KIAA1328: variants seen among roughly 807,000 people sequenced by gnomAD.
The protein encoded by KIAA1328 is protein hinderin.
In KIAA1328, 52 loss-of-function variants were observed where a neutral mutation model predicts 68.1. That is an observed-to-expected ratio of 0.76 (90% confidence interval 0.61 to 0.96). KIAA1328 has a LOEUF of 0.96. Among genes scored for constraint, KIAA1328 ranks in the 40% least tolerant of loss-of-function variants. The pLI is 0.00. For missense variants in KIAA1328, 641 were observed against 677.6 expected (o/e 0.95, Z 0.60); for synonymous variants, 232 against 239.4 (o/e 0.97, Z 0.28).
At chr18:36,878,962 T>G (rs919158734) in intron 4 of KIAA1328, among the ~76,000 whole-genome samples, 1 of 152,214 alleles carries the variant, frequency 6.6e-6, no homozygotes, top group Non-Finnish European at 1.5e-5. Context: ...GGTTAGAACA[T>G]GCTCCTTTAG....
intron 7 of KIAA1328, among the ~76,000 whole-genome samples, chr18:37,111,315 C>G (rs1463407039): frequency 1.3e-5 from 2 of 152,114 alleles, no homozygotes; most frequent in Admixed American, 6.5e-5. Flanking sequence ...TAAGGCTTTT[C>G]AAGAAATTAA....
intron 7 of KIAA1328, among the ~76,000 whole-genome samples, chr18:37,091,347 A>C (rs1482717252): frequency 2.0e-5 from 3 of 152,048 alleles, no homozygotes; most frequent in Non-Finnish European, 2.9e-5. Context: ...ACCAGGAAGA[A>C]CTCCTCATTG....
chr18:37,042,399 G>A (rs1024849559), intron 6 of KIAA1328, among the ~76,000 whole-genome samples: 15 of 152,156 alleles, frequency 9.9e-5, no homozygotes, highest in African/African-American at 3.6e-4. Flanking sequence ...TATAAAGGCA[G>A]CTCTACCAGC....
Position 37,079,312 on chromosome 18 carries a change from A to T in KIAA1328, c.1232+11767A>T, listed in dbSNP as rs1379653080. On this transcript the variant is annotated intron_variant, in intron 7 of 9. Coordinates refer to ENST00000280020, the MANE Select transcript of KIAA1328 (RefSeq NM_020776.3). ...ACATGGACACAGGAAGGGGAACATC[A>T]CACAGCGGGGCCTGTTGTGGGGTGG... Among the ~76,000 whole-genome samples, 5 of 110,080 alleles carry T rather than the reference A, an allele frequency of 4.5e-5. 2 individuals carry two copies. The highest frequency in any genetic ancestry group is 2.5e-4 in the African/African-American group (5 of 19,720). The allele number at this position is 110,080 out of a possible 152,430, so 72.2% of individuals were successfully genotyped here. A position where few individuals can be genotyped will look rare whatever the true frequency, so the allele number is the denominator to read the frequency against.
chr18:37,000,730 C>T (rs2053558335), intron 6 of KIAA1328, among the ~76,000 whole-genome samples: 1 of 151,478 alleles, frequency 6.6e-6, no homozygotes, highest in Admixed American at 6.6e-5. Context: ...AAATCAATAC[C>T]AAGAGGAACT....
intron 6 of KIAA1328, among the ~76,000 whole-genome samples, chr18:36,980,035 C>T (rs2052621925): frequency 6.6e-6 from 1 of 152,154 alleles, no homozygotes; most frequent in African/African-American, 2.4e-5. Context: ...CTTCTGCCTT[C>T]TGCCATGTGA....
intron 3 of KIAA1328, among the ~76,000 whole-genome samples, chr18:36,842,454 A>AG (rs1264367726): frequency 2.0e-5 from 3 of 152,158 alleles, no homozygotes; most frequent in Non-Finnish European, 4.4e-5. Flanking sequence ...ACAGAGTGCC[A>AG]GGTGGCGAAG....
intron 6 of KIAA1328, among the ~76,000 whole-genome samples, chr18:36,986,379 C>A (rs1283898655): frequency 6.6e-6 from 1 of 150,966 alleles, no homozygotes. Flanking sequence ...ACCATAAAAA[C>A]CCTAGAAGAA....
At chr18:36,974,487 T>G (rs1034190775) in intron 6 of KIAA1328, among the ~76,000 whole-genome samples, 1 of 152,176 alleles carries the variant, frequency 6.6e-6, no homozygotes, top group Non-Finnish European at 1.5e-5. Flanking sequence ...TGCATTCTTT[T>G]TTTGCGGATG....
chr18:36,916,783 T>C (rs1292073637), intron 5 of KIAA1328, among the ~76,000 whole-genome samples: 1 of 152,202 alleles, frequency 6.6e-6, no homozygotes, highest in Non-Finnish European at 1.5e-5. Context: ...CATTTTTTAT[T>C]TGTTTGTTTG....
At chr18:37,170,652 C>T (rs1369758056) in intron 8 of KIAA1328, among the ~76,000 whole-genome samples, 1 of 152,152 alleles carries the variant, frequency 6.6e-6, no homozygotes, top group African/African-American at 2.4e-5. Context: ...TCTCCCATTT[C>T]TTAATTCCTC....
At chr18:37,072,851 T>C (rs1203231996) in intron 7 of KIAA1328, among the ~76,000 whole-genome samples, 1 of 152,116 alleles carries the variant, frequency 6.6e-6, no homozygotes, top group Non-Finnish European at 1.5e-5. Context: ...CTCCCACTTA[T>C]GAGTGAGAAC....
chr18:37,121,226 A>G (rs1310441373), intron 7 of KIAA1328, among the ~76,000 whole-genome samples: 1 of 152,186 alleles, frequency 6.6e-6, no homozygotes, highest in Non-Finnish European at 1.5e-5. Flanking sequence ...AGCATTATGT[A>G]TATATCCAAC....
downstream of KIAA1328, chr18:37,230,917 G>A (rs1244607710): frequency 2.0e-5 from 3 of 152,188 alleles, no homozygotes; most frequent in African/African-American, 4.8e-5. Flanking sequence ...ACCCCTTAGA[G>A]TGGCACACCG....
At chr18:37,074,976 A>G (rs2151765589) in intron 7 of KIAA1328, 1 of 152,178 alleles carries the variant, frequency 6.6e-6, no homozygotes, top group South Asian at 2.1e-4. Flanking sequence ...CAGGAAATAC[A>G]GAGAACGCCA....
chr18:37,070,025 A>G (rs546802004), intron 7 of KIAA1328, among the ~76,000 whole-genome samples: 2 of 151,958 alleles, frequency 1.3e-5, no homozygotes, highest in Non-Finnish European at 2.9e-5. Flanking sequence ...TTGCATTTTC[A>G]TGTTTATCCA....
intron 7 of KIAA1328, among the ~76,000 whole-genome samples, chr18:37,128,979 A>T (rs1310333649): frequency 2.6e-5 from 4 of 152,320 alleles, no homozygotes; most frequent in Admixed American, 6.5e-5. Flanking sequence ...CAGAAAACAG[A>T]TCAGTGCTTG....
chr18:37,040,868 T>C (rs1247783221), intron 6 of KIAA1328, among the ~76,000 whole-genome samples: 23 of 151,884 alleles, frequency 1.5e-4, no homozygotes. Context: ...AAAATGTTGT[T>C]GTTGATTTCT....
chr18:37,118,545 C>A (rs76984274), intron 7 of KIAA1328, among the ~76,000 whole-genome samples: 111 of 152,270 alleles, frequency 7.3e-4, no homozygotes, highest in Non-Finnish European at 1.5e-3. Flanking sequence ...TAGTAGCAAC[C>A]TATTTCCCCC....
Sources: gnomAD v4.1 joint callset for allele counts (sites outside exome capture counted in the v4.1 genomes callset) on GRCh38, gnomAD v4.1.1 for gene constraint, MANE v1.5 for transcripts, NCBI Gene and HGNC (gene_info 2026-07-23, HGNC 2026-07-21) for gene names.